Variants in RELL1 observed in about 807,000 individuals in gnomAD.
The protein encoded by RELL1 is RELT-like protein 1.
Under a neutral mutation model 23.0 loss-of-function variants are expected in RELL1, and 10 were observed. That is an observed-to-expected ratio of 0.43 (90% confidence interval 0.27 to 0.74). The LOEUF (loss-of-function observed/expected upper bound fraction) is 0.74, where lower values mean the gene tolerates loss of function less well. Among genes scored for constraint, RELL1 ranks in the 30% least tolerant of loss-of-function variants. RELL1 has a pLI of 0.19. For synonymous variants in RELL1, 146 were observed against 146.8 expected (o/e 0.99, Z 0.04); for missense variants, 315 against 364.4 (o/e 0.86, Z 1.10).
In RELL1 at chr4:37,686,288, C is replaced by T. The variant is rs1346835417; in HGVS notation, c.-1G>A. On this transcript the variant is annotated 5_prime_UTR_variant, in exon 1 of 7. Transcript: ENST00000454158. The stretch of plus-strand genomic sequence containing the variant: ...ACCCCGGGAGTGCCCGCGGAGCCAT[C>T]GCCGCGTCGCTTCGCCCTCCTCCCC... 1 of 1,516,668 alleles carries T rather than the reference C, an allele frequency of 6.6e-7. No individual in the cohort carries two copies. The highest frequency in any genetic ancestry group is 8.8e-7 in the Non-Finnish European group (1 of 1,139,226). The allele number at this position is 1,516,668 out of a possible 1,614,324, so 94.0% of individuals were successfully genotyped here.
downstream of RELL1, among the ~76,000 whole-genome samples, chr4:37,587,034 C>T (rs1718372718): frequency 6.6e-6 from 1 of 151,938 alleles, no homozygotes; most frequent in Admixed American, 6.5e-5. Flanking sequence ...CAAGGTGTCA[C>T]CGGGGCCACA....
intron 1 of RELL1, among the ~76,000 whole-genome samples, chr4:37,672,326 A>T (rs1184703990): frequency 2.0e-5 from 3 of 152,174 alleles, no homozygotes; most frequent in African/African-American, 7.2e-5. Flanking sequence ...GGTATGGTCT[A>T]AAGGAGCTCA....
intron 6 of RELL1, among the ~76,000 whole-genome samples, chr4:37,615,214 T>C (rs1719537224): frequency 6.6e-6 from 1 of 152,220 alleles, no homozygotes. Context: ...AACAGCTGCC[T>C]TCTGCAGCTG....
At chr4:37,648,726 A>G (rs1254054461) in intron 2 of RELL1, among the ~76,000 whole-genome samples, 2 of 152,256 alleles carry the variant, frequency 1.3e-5, no homozygotes, top group African/African-American at 4.8e-5. Context: ...CTTAATAAAC[A>G]TAAATTCCAA....
rs1448067339 is a variant in RELL1 at position 37,611,887 on chromosome 4, G to A, written c.*1459C>T. Among the ~76,000 whole-genome samples, 1 of 152,044 alleles carries A rather than the reference G, an allele frequency of 6.6e-6. No homozygotes were observed. Among genetic ancestry groups the A allele is most frequent in the African/African-American group, 2.4e-5 (1 of 41,420 alleles). Reference sequence around the variant, plus strand: ...CAGGCCCATCTTATATGAGAAGCAGGGTTCTAGGCCGGGCGCAGTGGCTCA... The same window carrying A: ...CAGGCCCATCTTATATGAGAAGCAGAGTTCTAGGCCGGGCGCAGTGGCTCA... On this transcript the variant is annotated 3_prime_UTR_variant, in exon 7 of 7. Coordinates refer to ENST00000454158, the MANE Select transcript of RELL1 (RefSeq NM_001085400.2).
At chr4:37,620,305 G>A (rs1719723207) in intron 6 of RELL1, among the ~76,000 whole-genome samples, 1 of 152,130 alleles carries the variant, frequency 6.6e-6, no homozygotes, top group South Asian at 2.1e-4. Context: ...TCTGAAGGTT[G>A]TTCTTTACTG....
rs1720814046 is a variant in RELL1, at chr4:37,649,372, A to G, written c.217T>C (p.Phe73Leu). The G allele has an allele frequency of 6.2e-7, 1 of 1,614,132 alleles. No individual in the cohort carries two copies. The highest frequency in any genetic ancestry group is 1.7e-5 in the Admixed American group (1 of 60,014). ...AGCAGGTGGCAAATGAGGACGCCAAAGAGACCCATGATAAAGAACACAGGG... is the reference window on the plus strand; with the variant it reads ...AGCAGGTGGCAAATGAGGACGCCAAGGAGACCCATGATAAAGAACACAGGG... ...LVPVFFIMGL[F>L]GVLICHLLKK... The change falls in exon 2 of 7, where the codon TTT (phenylalanine) becomes CTT (leucine). Residue 73 changes from phenylalanine (F) to leucine (L), a missense_variant. Physicochemically the swap from Phe to Leu is conservative, Grantham distance 22. Coordinates refer to ENST00000454158, the MANE Select transcript of RELL1 (RefSeq NM_001085400.2).
chr4:37,634,146 C>G, intron 5 of RELL1, among the ~76,000 whole-genome samples: 1 of 151,994 alleles, frequency 6.6e-6, no homozygotes, highest in East Asian at 1.9e-4. Context: ...CCAATGGATT[C>G]ATCACTTGAA....
intron 1 of RELL1, among the ~76,000 whole-genome samples, chr4:37,667,652 T>G (rs888926515): frequency 1.3e-5 from 2 of 151,700 alleles, no homozygotes; most frequent in African/African-American, 2.4e-5. Context: ...AAATCTACAA[T>G]GACAGAATGG....
intron 1 of RELL1, among the ~76,000 whole-genome samples, chr4:37,681,796 C>T (rs560910303): frequency 7.8e-4 from 119 of 151,684 alleles, no homozygotes; most frequent in African/African-American, 2.7e-3. Context: ...CAAAGTGCTG[C>T]GATTACAGGC....
At chr4:37,599,415 A>G (rs1169833395) in intron 6 of RELL1, among the ~76,000 whole-genome samples, 1 of 152,182 alleles carries the variant, frequency 6.6e-6, no homozygotes, top group African/African-American at 2.4e-5. Flanking sequence ...GGGTGAAGTC[A>G]TGGGACAGGG....
At chr4:37,660,857 CCGTCT>C (rs2109297380) in intron 1 of RELL1, among the ~76,000 whole-genome samples, 1 of 152,188 alleles carries the variant, frequency 6.6e-6, no homozygotes, top group East Asian at 1.9e-4. Context: ...CGGTGAAACC[CCGTCT>C]CTACTAAAAA....
chr4:37,685,525 G>A (rs1722373614), intron 1 of RELL1, among the ~76,000 whole-genome samples: 1 of 152,114 alleles, frequency 6.6e-6, no homozygotes, highest in African/African-American at 2.4e-5. Flanking sequence ...ATCTCTGTTG[G>A]TGGCTTCCTG....
intron 1 of RELL1, 50 bp downstream of exon 1, chr4:37,686,150 C>G (rs1049941905): frequency 1.1e-4 from 160 of 1,489,950 alleles, no homozygotes; most frequent in Non-Finnish European, 1.4e-4. Context: ...CTTCCGCGCT[C>G]CCGGGACCGG....
At chr4:37,682,731 G>A (rs1049242188) in intron 1 of RELL1, among the ~76,000 whole-genome samples, 12 of 152,126 alleles carry the variant, frequency 7.9e-5, no homozygotes, top group Admixed American at 6.5e-4. Flanking sequence ...GTACAGCTTC[G>A]CAGCTACCTG....
downstream of RELL1, chr4:37,588,381 T>G (rs1490034155): frequency 1.3e-5 from 2 of 156,892 alleles, no homozygotes; most frequent in African/African-American, 4.8e-5. Flanking sequence ...GCCAGCTTAT[T>G]CCGGCATCCT....
chr4:37,633,119 C>T (rs1720196618), intron 5 of RELL1, among the ~76,000 whole-genome samples: 1 of 152,254 alleles, frequency 6.6e-6, no homozygotes, highest in Admixed American at 6.5e-5. Context: ...TTTTAAAAAG[C>T]CATGTTTGGC....
intron 3 of RELL1, among the ~76,000 whole-genome samples, chr4:37,641,697 A>G (rs1399837870): frequency 6.6e-6 from 1 of 152,196 alleles, no homozygotes; most frequent in Non-Finnish European, 1.5e-5. Context: ...GCTTGATAAT[A>G]TGCATGAAAC....
chr4:37,592,789 G>C (rs1468224397), intron 6 of RELL1, among the ~76,000 whole-genome samples: 1 of 152,204 alleles, frequency 6.6e-6, no homozygotes, highest in Non-Finnish European at 1.5e-5. Context: ...GATGATGTAA[G>C]TGTTTAGCAC....
Sources: allele counts gnomAD v4.1 joint callset (sites outside exome capture counted in the v4.1 genomes callset), GRCh38; gene constraint gnomAD v4.1.1; transcripts MANE v1.5; gene names NCBI Gene and HGNC (gene_info 2026-07-23, HGNC 2026-07-21).